The following EXOC1 variants were observed in gnomAD, a reference collection of about 807,000 sequenced individuals.
EXOC1 encodes the protein exocyst complex component 1.
In EXOC1, 67 loss-of-function variants were observed where a neutral mutation model predicts 107.7. The observed-to-expected ratio is 0.62, with a 90% CI of 0.51 to 0.76. The LOEUF (loss-of-function observed/expected upper bound fraction) is 0.76, where lower values mean the gene tolerates loss of function less well. Among genes scored for constraint, EXOC1 ranks in the 30% least tolerant of loss-of-function variants. The probability of loss-of-function intolerance (pLI) is 0.00; values close to 1 mark genes in which losing one functional copy is unlikely to be tolerated. For missense variants in EXOC1, 833 were observed against 1,055.7 expected (o/e 0.79, Z 2.92); for synonymous variants, 348 against 353.5 (o/e 0.98, Z 0.17).
Position 55,871,112 on chromosome 4 carries a change from C to G in EXOC1, c.843C>G (p.Asp281Glu), listed in dbSNP as rs1722393415. 1.2e-6 allele frequency: 2 copies of G among 1,613,592 alleles called. No homozygotes were observed. Among genetic ancestry groups the G allele is most frequent in the Non-Finnish European group, 1.7e-6 (2 of 1,179,828 alleles). ...SEIEFLVNHM[D>E]LAKGHIKALQ... Reference sequence around the variant, plus strand: ...TGCATATATTCTAGAACCACATGGACTTGGCCAAAGGTCATATAAAGGCCC... The same window carrying G: ...TGCATATATTCTAGAACCACATGGAGTTGGCCAAAGGTCATATAAAGGCCC... Residue 281 changes from aspartate to glutamate, a missense_variant, in exon 7 of 19, where the codon GAC (aspartate) becomes GAG (glutamate). By Grantham distance (45) the Asp-to-Glu change is conservative. Coordinates refer to ENST00000381295, the MANE Select transcript of EXOC1 (RefSeq NM_001024924.2).
chr4:55,903,147 T>TAAAAAAAAAAAA (rs10544843), intron 18 of EXOC1, among the ~76,000 whole-genome samples: 1 of 98,488 alleles, frequency 1.0e-5, no homozygotes, highest in Non-Finnish European at 2.3e-5. Context: ...GTGTCTCAAT[T>TAAAAAAAAAAAA]AAAAAAAAAA....
At position 55,891,423 on chromosome 4, in the gene EXOC1, G is replaced by C; in HGVS notation, c.1647+1G>C. 1 of 1,581,474 alleles carries C rather than the reference G, an allele frequency of 6.3e-7. No individual in the cohort carries two copies. Among genetic ancestry groups the C allele is most frequent in the South Asian group, 1.1e-5 (1 of 90,346 alleles). ...ACATCAAAGTATGCCTGGAACTATGGTATGGCTCACAGTGTATTTTGGATA... is the reference window on the plus strand; with the variant it reads ...ACATCAAAGTATGCCTGGAACTATGCTATGGCTCACAGTGTATTTTGGATA... On this transcript the variant is annotated splice_donor_variant, in intron 13 of 18. Transcript: ENST00000381295. LOFTEE classifies it high-confidence loss of function.
At chr4:55,863,146 C>T (rs1233268378) in intron 3 of EXOC1, among the ~76,000 whole-genome samples, 2 of 152,092 alleles carry the variant, frequency 1.3e-5, no homozygotes, top group Non-Finnish European at 2.9e-5. Flanking sequence ...GCAATCTACC[C>T]ACCTCGGCCT....
intron 10 of EXOC1, among the ~76,000 whole-genome samples, chr4:55,886,081 A>G (rs1004590707): frequency 6.6e-6 from 1 of 152,218 alleles, no homozygotes; most frequent in Non-Finnish European, 1.5e-5. Context: ...TCAGTAAATT[A>G]CATGAAATAT....
At chr4:55,872,064 A>G (rs1722492412) in intron 8 of EXOC1, 106 bp downstream of exon 8, 1 of 967,574 alleles carries the variant, frequency 1.0e-6, no homozygotes, top group Non-Finnish European at 1.5e-6. Context: ...GTTGCAGTCA[A>G]TTCCTTCACA....
chr4:55,871,739 C>A, intron 7 of EXOC1, 110 bp from the exon 8 acceptor site: 1 of 816,332 alleles, frequency 1.2e-6, no homozygotes. Flanking sequence ...ATGAATACAC[C>A]CATAAAACTT....
chr4:55,882,710 A>G (rs988783713), intron 9 of EXOC1: 3 of 152,210 alleles, frequency 2.0e-5, no homozygotes, highest in Non-Finnish European at 4.4e-5. Context: ...AATCAATGGT[A>G]AACTGTGAAT....
At chr4:55,876,565 T>C (rs1425249211) in intron 8 of EXOC1, 2 of 982,320 alleles carry the variant, frequency 2.0e-6, no homozygotes, top group Non-Finnish European at 2.4e-6. Flanking sequence ...GCTGTCAGAA[T>C]TACAGAAAGG....
At chr4:55,856,690 C>T (rs1214714458) in intron 1 of EXOC1, among the ~76,000 whole-genome samples, 1 of 152,066 alleles carries the variant, frequency 6.6e-6, no homozygotes, top group Non-Finnish European at 1.5e-5. Context: ...AATTGTAATA[C>T]ATATCCACAC....
intron 8 of EXOC1, chr4:55,872,717 TA>T: frequency 1.3e-6 from 1 of 786,234 alleles, no homozygotes; most frequent in Non-Finnish European, 1.5e-6. Flanking sequence ...TGCAATATTC[TA>T]AAACAATTGT....
At chr4:55,877,539 C>A in intron 8 of EXOC1, 1 of 985,058 alleles carries the variant, frequency 1.0e-6, no homozygotes, top group Non-Finnish European at 1.2e-6. Flanking sequence ...TGAATGATTT[C>A]TCTATTTGTG....
intron 8 of EXOC1, chr4:55,872,883 G>C: frequency 2.0e-6 from 1 of 505,144 alleles, no homozygotes; most frequent in South Asian, 8.5e-5. Context: ...AAACTTAACA[G>C]CAGCCGAATC....
At chr4:55,857,168 C>CTTTTTTTTTTTTTTTTT (rs71192052) in intron 1 of EXOC1, among the ~76,000 whole-genome samples, 15 of 65,770 alleles carry the variant, frequency 2.3e-4, no homozygotes, top group Non-Finnish European at 2.7e-4. Context: ...TCCTTTTTTT[C>CTTTTTTTTTTTTTTTTT]TTTTTTTTTT....
chr4:55,870,448 C>T (rs1722322705), intron 5 of EXOC1, among the ~76,000 whole-genome samples: 1 of 152,092 alleles, frequency 6.6e-6, no homozygotes, highest in Non-Finnish European at 1.5e-5. Flanking sequence ...AGGCATGGTC[C>T]CTAACATTGA....
intron 8 of EXOC1, among the ~76,000 whole-genome samples, chr4:55,874,589 A>G (rs1290532384): frequency 1.3e-5 from 2 of 152,168 alleles, no homozygotes; most frequent in Admixed American, 1.3e-4. Context: ...CTGTAATGCA[A>G]CTTTCCTATT....
At chr4:55,864,057 T>C (rs575049283) in intron 3 of EXOC1, among the ~76,000 whole-genome samples, 170 bp from the exon 4 acceptor site, 2 of 152,226 alleles carry the variant, frequency 1.3e-5, no homozygotes, top group East Asian at 3.8e-4. Flanking sequence ...TTTGGGGTGG[T>C]AAACTTTTTG....
intron 18 of EXOC1, 116 bp from the exon 19 acceptor site, chr4:55,904,227 A>G (rs1042996027): frequency 1.7e-5 from 17 of 974,008 alleles, no homozygotes; most frequent in Non-Finnish European, 2.4e-5. Context: ...TTCAGAATGC[A>G]TGTTCCTAGC....
rs757548234 is a variant in EXOC1, at chr4:55,902,545, T to C, written c.2532+7T>C. On this transcript the variant is annotated splice_region_variant and intron_variant, in intron 18 of 18. Transcript: ENST00000381295. ...AGAAGAGAACTTACTTCAGGTATGCTTACTTCTTTTGACCATCTGACTTAA... is the reference window on the plus strand; with the variant it reads ...AGAAGAGAACTTACTTCAGGTATGCCTACTTCTTTTGACCATCTGACTTAA... 34 of 1,464,684 alleles carry C rather than the reference T, an allele frequency of 2.3e-5. No homozygotes were observed. Among genetic ancestry groups the C allele is most frequent in the Non-Finnish European group, 3.1e-5 (34 of 1,111,172 alleles). 90.7% of individuals were successfully genotyped at this position (1,464,684 alleles called of 1,614,324 possible).
At chr4:55,893,526 A>T in intron 14 of EXOC1, 26 bp from the exon 15 acceptor site, 1 of 1,598,256 alleles carries the variant, frequency 6.3e-7, no homozygotes, top group Non-Finnish European at 8.5e-7. Context: ...TTATAACTTT[A>T]TACTTCTTGT....
Sources: gnomAD v4.1 joint callset for allele counts (sites outside exome capture counted in the v4.1 genomes callset) on GRCh38, gnomAD v4.1.1 for gene constraint, MANE v1.5 for transcripts, NCBI Gene and HGNC (gene_info 2026-07-23, HGNC 2026-07-21) for gene names.